Variants in GABRG2 observed in about 807,000 individuals in gnomAD.
The protein encoded by GABRG2 is gamma-aminobutyric acid receptor subunit gamma-2.
A neutral mutation model predicts 56.4 loss-of-function variants in GABRG2; 16 were observed. The observed-to-expected ratio is 0.28, with a 90% CI of 0.19 to 0.43. The LOEUF (loss-of-function observed/expected upper bound fraction) is 0.43, where lower values mean the gene tolerates loss of function less well. Ranked by LOEUF, GABRG2 falls within the 20% of genes least tolerant of loss-of-function variation. The pLI is 1.00. For synonymous variants in GABRG2, 208 were observed against 205.5 expected (o/e 1.01, Z -0.10); for missense variants, 327 against 582.7 (o/e 0.56, Z 4.52).
At chr5:162,130,695 A>G (rs780974248) in intron 6 of GABRG2, among the ~76,000 whole-genome samples, 2 of 152,030 alleles carry the variant, frequency 1.3e-5, no homozygotes, top group Non-Finnish European at 2.9e-5. Context: ...TAAATTGAAG[A>G]GATAGTATTC....
intron 1 of GABRG2, among the ~76,000 whole-genome samples, chr5:162,075,730 AG>A (rs11343344): frequency 0.013 from 1,945 of 152,178 alleles, 55 homozygotes; most frequent in African/African-American, 0.045. Flanking sequence ...TCTCACTGTA[AG>A]TCAGCATATA....
At chr5:162,142,637 A>G in intron 7 of GABRG2, 2 of 350,530 alleles carry the variant, frequency 5.7e-6, no homozygotes, top group Non-Finnish European at 5.6e-6. Flanking sequence ...TTCTCAGCAA[A>G]CTATCGCAAG....
At chr5:162,080,874 T>C (rs1759602219) in intron 1 of GABRG2, among the ~76,000 whole-genome samples, 1 of 152,178 alleles carries the variant, frequency 6.6e-6, no homozygotes, top group Non-Finnish European at 1.5e-5. Context: ...ACTTATTTTA[T>C]GGCATTGTAA....
At chr5:162,095,895 T>C (rs1278878849) in intron 3 of GABRG2, among the ~76,000 whole-genome samples, 1 of 152,000 alleles carries the variant, frequency 6.6e-6, no homozygotes, top group African/African-American at 2.4e-5. Context: ...GATAGTTTGG[T>C]TCAAATCAGA....
chr5:162,086,000 T>G (rs1053337247), intron 1 of GABRG2, among the ~76,000 whole-genome samples: 1 of 151,960 alleles, frequency 6.6e-6, no homozygotes, highest in Non-Finnish European at 1.5e-5. Context: ...GCATTTAGGT[T>G]GATTCCATGT....
intron 6 of GABRG2, among the ~76,000 whole-genome samples, chr5:162,127,526 G>A (rs1485367572): frequency 6.6e-6 from 1 of 151,906 alleles, no homozygotes; most frequent in Non-Finnish European, 1.5e-5. Flanking sequence ...GCAACACTGA[G>A]ATAGGGTATT....
chr5:162,118,492 T>C (rs1762775657), intron 6 of GABRG2, among the ~76,000 whole-genome samples: 1 of 152,208 alleles, frequency 6.6e-6, no homozygotes, highest in East Asian at 1.9e-4. Context: ...CTGGGTATAA[T>C]TACATAGGTG....
At position 162,088,860 on chromosome 5, in the gene GABRG2, A is replaced by G. The variant is rs77092217; in HGVS notation, c.108-4968A>G. On this transcript the variant is annotated intron_variant, in intron 1 of 9. Transcript: ENST00000639213. ...GTGAGAGAATGTATGTGAAATCTTTAAAGTTATACCTAGAACATAGCGAAT... is the reference window on the plus strand; with the variant it reads ...GTGAGAGAATGTATGTGAAATCTTTGAAGTTATACCTAGAACATAGCGAAT... Among the ~76,000 whole-genome samples, 653 of 152,294 alleles carry G rather than the reference A, an allele frequency of 4.3e-3. 7 individuals are homozygous for G. The highest frequency in any genetic ancestry group is 0.015 in the African/African-American group (628 of 41,574).
intron 7 of GABRG2, among the ~76,000 whole-genome samples, chr5:162,148,151 C>A (rs1765098087): frequency 6.6e-6 from 1 of 152,164 alleles, no homozygotes; most frequent in African/African-American, 2.4e-5. Context: ...CTGGAGAGGA[C>A]AGGTTTGGAT....
intron 2 of GABRG2, chr5:162,094,351 A>G (rs1760841698): frequency 4.2e-5 from 12 of 287,118 alleles, no homozygotes; most frequent in South Asian, 3.6e-4. Context: ...TGTGTAACAA[A>G]CAACCAGAAA....
chr5:162,141,899 C>A (rs1166008429), intron 6 of GABRG2, among the ~76,000 whole-genome samples: 2 of 151,978 alleles, frequency 1.3e-5, no homozygotes, highest in African/African-American at 2.4e-5. Flanking sequence ...CGTCAGAAAG[C>A]ACAGAAAGAA....
intron 1 of GABRG2, among the ~76,000 whole-genome samples, chr5:162,087,269 T>G (rs1760196191): frequency 6.6e-6 from 1 of 152,080 alleles, no homozygotes; most frequent in African/African-American, 2.4e-5. Context: ...AACATAATTT[T>G]AATTTGGTAT....
chr5:162,139,834 T>C (rs956805075), intron 6 of GABRG2, among the ~76,000 whole-genome samples: 7 of 152,188 alleles, frequency 4.6e-5, no homozygotes, highest in Non-Finnish European at 7.4e-5. Context: ...AAGGTACCCC[T>C]GAATATTATT....
chr5:162,149,700 G>A (rs1765228719), intron 8 of GABRG2: 3 of 509,594 alleles, frequency 5.9e-6, no homozygotes, highest in South Asian at 4.6e-5. Flanking sequence ...TGCAACCTCT[G>A]CCTCCTAGGT....
At position 162,082,912 on chromosome 5, in the gene GABRG2, G is replaced by A. The variant is rs1008588867; in HGVS notation, c.108-10916G>A. Among the ~76,000 whole-genome samples, 14 of 151,708 alleles carry A rather than the reference G, an allele frequency of 9.2e-5. No homozygotes were observed. In the East Asian group the frequency reaches 2.7e-3, roughly 29 times the overall value. On this transcript the variant is annotated intron_variant, in intron 1 of 9. Transcript: ENST00000639213. ...ATAAAGAGTCGATGAAAACTTAGTAGTAGTCTTCTAGAATTGGCCATGACC... is the reference window on the plus strand; with the variant it reads ...ATAAAGAGTCGATGAAAACTTAGTAATAGTCTTCTAGAATTGGCCATGACC...
rs1361212711 is a variant in GABRG2 at position 162,149,546 on chromosome 5, T to C, written c.1128+233T>C. On this transcript the variant is annotated intron_variant, in intron 8 of 9. Transcript: ENST00000639213. ...TTCTTATGCAAATATAATTACCTGC[T>C]CTCTTTATTTTGTGGAGACTAAAGC... The C allele has an allele frequency of 7.9e-6, 6 of 759,760 alleles. No individual in the cohort carries two copies. In the South Asian group the frequency reaches 8.2e-5, roughly 10 times the overall value. 47.1% of individuals were successfully genotyped at this position (759,760 alleles called of 1,614,324 possible). A position where few individuals can be genotyped will look rare whatever the true frequency, so the allele number is the denominator to read the frequency against.
At chr5:162,078,082 G>A (rs1224936868) in intron 1 of GABRG2, among the ~76,000 whole-genome samples, 1 of 151,952 alleles carries the variant, frequency 6.6e-6, no homozygotes, top group African/African-American at 2.4e-5. Context: ...TCTACATGAA[G>A]CTGATTCCTA....
intron 1 of GABRG2, among the ~76,000 whole-genome samples, chr5:162,092,349 T>G (rs936587727): frequency 1.3e-5 from 2 of 152,122 alleles, no homozygotes; most frequent in African/African-American, 4.8e-5. Context: ...ATGTTAGGCC[T>G]TTTGCAGATG....
intron 6 of GABRG2, among the ~76,000 whole-genome samples, chr5:162,110,921 T>C (rs1350952788): frequency 2.6e-5 from 4 of 152,168 alleles, no homozygotes; most frequent in African/African-American, 9.6e-5. Flanking sequence ...GTATGAATTA[T>C]GTAAATAGAG....
Sources: allele counts gnomAD v4.1 joint callset (sites outside exome capture counted in the v4.1 genomes callset), GRCh38; gene constraint gnomAD v4.1.1; transcripts MANE v1.5; gene names NCBI Gene and HGNC (gene_info 2026-07-23, HGNC 2026-07-21).